The following EVL variants were observed in gnomAD, a reference collection of about 807,000 sequenced individuals.
EVL encodes ena/VASP-like protein.
EVL carries 21 observed loss-of-function variants against 59.6 expected under a neutral mutation model. The ratio of observed to expected loss-of-function variants is 0.35; its 90% CI spans 0.25 to 0.51. The LOEUF (loss-of-function observed/expected upper bound fraction) is 0.51. Ranked by LOEUF, EVL falls within the 20% of genes least tolerant of loss-of-function variation. The pLI, the probability that EVL is intolerant of heterozygous loss-of-function variation, is 0.97. For synonymous variants in EVL, 198 were observed against 203.5 expected (o/e 0.97, Z 0.23); for missense variants, 462 against 546.6 (o/e 0.85, Z 1.54).
At chr14:100,013,555 G>A (rs1291586411) in intron 1 of EVL, among the ~76,000 whole-genome samples, 1 of 152,260 alleles carries the variant, frequency 6.6e-6, no homozygotes, top group Non-Finnish European at 1.5e-5. Flanking sequence ...CACTTGTGGA[G>A]AGAAGGTGGA....
intron 1 of EVL, among the ~76,000 whole-genome samples, chr14:99,976,663 G>GCGT (rs1162383561): frequency 3.9e-5 from 6 of 152,142 alleles, no homozygotes; most frequent in Admixed American, 3.9e-4. Context: ...AGGCACATGG[G>GCGT]AGCACTTACA....
chr14:100,075,254 G>A (rs900133739), intron 1 of EVL, among the ~76,000 whole-genome samples: 5 of 152,184 alleles, frequency 3.3e-5, no homozygotes, highest in Non-Finnish European at 5.9e-5. Context: ...CCTGTGTGCC[G>A]GGCCTTGTCT....
At chr14:100,027,163 A>C (rs7146516) in intron 1 of EVL, among the ~76,000 whole-genome samples, 5,759 of 152,294 alleles carry the variant, frequency 0.038, 326 homozygotes, top group East Asian at 0.16. Flanking sequence ...TGATATTTTG[A>C]TACAAGCATA....
intron 3 of EVL, among the ~76,000 whole-genome samples, chr14:100,102,100 A>G (rs1043213729): frequency 8.5e-5 from 13 of 152,206 alleles, no homozygotes; most frequent in African/African-American, 3.1e-4. Context: ...AGCCTCCCAA[A>G]GTGCTGGGAT....
chr14:100,035,984 C>G (rs1051069824), intron 1 of EVL, among the ~76,000 whole-genome samples: 4 of 152,110 alleles, frequency 2.6e-5, no homozygotes, highest in African/African-American at 4.8e-5. Flanking sequence ...TGGCAGGGGT[C>G]CCCAACCCCT....
At chr14:100,137,323 C>T in intron 9 of EVL, 1 of 547,384 alleles carries the variant, frequency 1.8e-6, no homozygotes, top group Non-Finnish European at 3.3e-6. Context: ...CCCTTACCAG[C>T]AGGCTCACAT....
intron 1 of EVL, among the ~76,000 whole-genome samples, chr14:100,009,478 A>C (rs962742875): frequency 6.6e-6 from 1 of 152,252 alleles, no homozygotes; most frequent in East Asian, 1.9e-4. Flanking sequence ...ACATTTTAAC[A>C]TGCTGAAACC....
At chr14:100,118,567 G>A (rs1887496687) in intron 3 of EVL, among the ~76,000 whole-genome samples, 1 of 152,224 alleles carries the variant, frequency 6.6e-6, no homozygotes, top group Non-Finnish European at 1.5e-5. Context: ...AGGTAGAGAT[G>A]CTGCCAGACG....
chr14:100,043,231 GTA>G (rs2061493561), intron 1 of EVL, among the ~76,000 whole-genome samples: 1 of 151,572 alleles, frequency 6.6e-6, no homozygotes, highest in African/African-American at 2.4e-5. Flanking sequence ...ATATATATAT[GTA>G]TGTGTGTGTG....
intron 1 of EVL, among the ~76,000 whole-genome samples, chr14:100,053,354 A>C (rs2061676456): frequency 6.6e-6 from 1 of 152,010 alleles, no homozygotes. Flanking sequence ...TATAGGTTCT[A>C]TTTTTATTCT....
chr14:100,004,056 T>C (rs116607662), intron 1 of EVL, among the ~76,000 whole-genome samples: 16 of 152,264 alleles, frequency 1.1e-4, no homozygotes, highest in African/African-American at 3.6e-4. Flanking sequence ...ATACAAAAAT[T>C]AGCTGCATGT....
chr14:100,085,988 G>A (rs767051791), intron 2 of EVL, among the ~76,000 whole-genome samples: 53 of 152,130 alleles, frequency 3.5e-4, no homozygotes, highest in Non-Finnish European at 5.9e-4. Context: ...AATTAGCCGG[G>A]CGTGGTGGCG....
chr14:99,996,429 T>G (rs1358561819), intron 1 of EVL, among the ~76,000 whole-genome samples: 3 of 152,182 alleles, frequency 2.0e-5, no homozygotes, highest in African/African-American at 7.2e-5. Flanking sequence ...TTAATCCCTT[T>G]ATATAGTTCA....
intron 1 of EVL, among the ~76,000 whole-genome samples, chr14:99,985,230 G>T (rs961417091): frequency 1.3e-5 from 2 of 151,860 alleles, no homozygotes; most frequent in Admixed American, 1.3e-4. Context: ...TTATAGCCAA[G>T]AAGAATAGCA....
At position 100,038,932 on chromosome 14, in the gene EVL, A is replaced by G. The variant is rs138577055; in HGVS notation, c.6-45755A>G. 7.2e-5 allele frequency among the ~76,000 whole-genome samples: 11 copies of G among 152,312 alleles called. 1 individual carries two copies. Among genetic ancestry groups the G allele is most frequent in the Admixed American group, 3.3e-4 (5 of 15,302 alleles). ...TATATCCTGCCTCTCCCAAAAGCAG[A>G]TGAATTCCTCAAGAGTGGGGACTGT... On this transcript the variant is annotated intron_variant, in intron 1 of 13. Transcript: ENST00000402714.
At chr14:100,027,140 T>G (rs1375692440) in intron 1 of EVL, among the ~76,000 whole-genome samples, 2 of 152,230 alleles carry the variant, frequency 1.3e-5, no homozygotes, top group East Asian at 1.9e-4. Context: ...TATACCTATT[T>G]ATGGGGTACA....
In EVL at chr14:100,137,734, C is replaced by CCGTAGAACCCCGTCTGTGG. The variant is rs1233485598; in HGVS notation, c.1032-4_1046dup. On this transcript the variant is annotated splice_region_variant and splice_polypyrimidine_tract_variant and intron_variant, in intron 10 of 13. Transcript: ENST00000392920. Reference sequence around the variant, plus strand: ...TTCACATGTCTGTTTCATTCCATTGCCGTAGAACCCCGTCTGTGGCAAAGA... The same window carrying CCGTAGAACCCCGTCTGTGG: ...TTCACATGTCTGTTTCATTCCATTGCCGTAGAACCCCGTCTGTGGCGTAGAACCCCGTCTGTGGCAAAGA... The CCGTAGAACCCCGTCTGTGG allele has an allele frequency of 6.2e-7, 1 of 1,613,986 alleles. No homozygotes were observed. Among genetic ancestry groups the CCGTAGAACCCCGTCTGTGG allele is most frequent in the African/African-American group, 1.3e-5 (1 of 74,930 alleles).
chr14:100,044,439 T>C (rs2140237875), intron 1 of EVL, among the ~76,000 whole-genome samples: 1 of 152,244 alleles, frequency 6.6e-6, no homozygotes, highest in East Asian at 1.9e-4. Context: ...AATCCAGAAT[T>C]ACATATTAAA....
At chr14:100,070,902 G>C (rs1184025610) in intron 1 of EVL, among the ~76,000 whole-genome samples, 1 of 152,222 alleles carries the variant, frequency 6.6e-6, no homozygotes, top group Non-Finnish European at 1.5e-5. Flanking sequence ...TTTGAGGTTT[G>C]AGTAGCCTTA....
Sources: allele counts gnomAD v4.1 joint callset (sites outside exome capture counted in the v4.1 genomes callset), GRCh38; gene constraint gnomAD v4.1.1; transcripts MANE v1.5; gene names NCBI Gene and HGNC (gene_info 2026-07-23, HGNC 2026-07-21).